Variants in ATP2B2 observed in about 807,000 individuals in gnomAD.
The protein encoded by ATP2B2 is ATPase plasma membrane Ca2+ transporting 2, also known as plasma membrane calcium-transporting ATPase 2.
In ATP2B2, 15 loss-of-function variants were observed where a neutral mutation model predicts 120.0. That is an observed-to-expected ratio of 0.12 (90% CI 0.08 to 0.19). ATP2B2 has a LOEUF of 0.19. Ranked by LOEUF, ATP2B2 falls within the 10% of genes least tolerant of loss-of-function variation. ATP2B2 has a pLI of 1.00. For missense variants in ATP2B2, 1,045 were observed against 1,719.8 expected (o/e 0.61, Z 6.94); for synonymous variants, 694 against 700.3 (o/e 0.99, Z 0.14).
rs142568220 is a variant in ATP2B2 at position 10,405,767 on chromosome 3, C to T, written c.398-3419G>A. ...GCATGTTCACCAGTACAATGGTGAA[C>T]CTGCCTCCCAGATGGCTACCAGGGC... is the stretch of plus-strand genomic sequence containing the variant. On this transcript the variant is annotated intron_variant, in intron 3 of 22. Coordinates refer to ENST00000360273, the MANE Select transcript of ATP2B2 (RefSeq NM_001001331.4). Among the ~76,000 whole-genome samples, 23 of 152,292 alleles carry T rather than the reference C, an allele frequency of 1.5e-4. No homozygotes were observed. The East Asian group carries it at 3.5e-3, about 23-fold the overall frequency.
chr3:10,701,154 T>G (rs539973907), intron 1 of ATP2B2, among the ~76,000 whole-genome samples: 8 of 152,180 alleles, frequency 5.3e-5, no homozygotes, highest in Non-Finnish European at 1.2e-4. Context: ...AGGCACTGAT[T>G]TGCTGAGAGA....
intron 1 of ATP2B2, among the ~76,000 whole-genome samples, chr3:10,463,761 C>T (rs1260541967): frequency 6.6e-6 from 1 of 152,220 alleles, no homozygotes; most frequent in Non-Finnish European, 1.5e-5. Context: ...CTGCCACACC[C>T]AGTGCTGGGT....
intron 2 of ATP2B2, among the ~76,000 whole-genome samples, chr3:10,602,340 C>T (rs1221745389): frequency 6.6e-6 from 1 of 152,220 alleles, no homozygotes; most frequent in African/African-American, 2.4e-5. Context: ...TGACGGCTGG[C>T]CCTCGCTTTC....
intron 5 of ATP2B2, chr3:10,394,373 A>T (rs949019602): frequency 2.2e-6 from 1 of 464,610 alleles, no homozygotes; most frequent in African/African-American, 2.0e-5. Context: ...CAGCCCCCTG[A>T]GGTAGGTTTT....
intron 3 of ATP2B2, among the ~76,000 whole-genome samples, chr3:10,514,299 G>T (rs997502300): frequency 6.6e-6 from 1 of 152,178 alleles, no homozygotes; most frequent in Non-Finnish European, 1.5e-5. Flanking sequence ...GAGGTGGGAT[G>T]GAGGGCCAGA....
intron 2 of ATP2B2, among the ~76,000 whole-genome samples, chr3:10,536,268 G>A (rs570502726): frequency 8.9e-4 from 134 of 150,910 alleles, no homozygotes; most frequent in African/African-American, 3.1e-3. Flanking sequence ...GTACCTCATC[G>A]GTTTTGTGGT....
intron 1 of ATP2B2, among the ~76,000 whole-genome samples, chr3:10,706,490 C>G (rs1435315867): frequency 2.0e-5 from 3 of 152,176 alleles, no homozygotes; most frequent in Non-Finnish European, 1.5e-5. Flanking sequence ...CTTCTGAGGG[C>G]ATTGGGATAT....
chr3:10,394,898 T>C (rs3774156), intron 5 of ATP2B2, among the ~76,000 whole-genome samples: 28,126 of 152,012 alleles, frequency 0.19, 3,183 homozygotes, highest in East Asian at 0.42. Flanking sequence ...CACTGCCACA[T>C]TGATGGCATC....
upstream of ATP2B2, among the ~76,000 whole-genome samples, chr3:10,507,226 C>A (rs183951553): frequency 2.0e-4 from 31 of 152,300 alleles, no homozygotes; most frequent in African/African-American, 7.2e-4. Flanking sequence ...CCCAGGACAC[C>A]CCTCAGGGAG....
At chr3:10,620,774 T>C (rs376277518) in intron 1 of ATP2B2, among the ~76,000 whole-genome samples, 3 of 152,152 alleles carry the variant, frequency 2.0e-5, no homozygotes, top group African/African-American at 4.8e-5. Context: ...GAGCTTCTCA[T>C]TGGCCAAACC....
chr3:10,606,926 GAGAGAGAGAGA>G (rs2069092967), intron 2 of ATP2B2, among the ~76,000 whole-genome samples: 1 of 73,938 alleles, frequency 1.4e-5, no homozygotes, highest in Non-Finnish European at 2.3e-5. Flanking sequence ...GAGAGAGAGA[GAGAGAGAGAGA>G]GGGAGAGGGA....
chr3:10,445,403 A>G (rs1244372327), intron 2 of ATP2B2, among the ~76,000 whole-genome samples: 2 of 149,814 alleles, frequency 1.3e-5, no homozygotes, highest in African/African-American at 5.1e-5. Context: ...AGGGAACAGT[A>G]GAGGTAAGAA....
intron 14 of ATP2B2, 70 bp downstream of exon 14, chr3:10,358,621 C>G: frequency 4.7e-6 from 7 of 1,473,774 alleles, no homozygotes; most frequent in African/African-American, 1.4e-5. Flanking sequence ...GTGACTTACT[C>G]CAGGTCACCC....
intron 3 of ATP2B2, among the ~76,000 whole-genome samples, chr3:10,512,553 T>G (rs2066793883): frequency 6.6e-6 from 1 of 150,788 alleles, no homozygotes; most frequent in Non-Finnish European, 1.5e-5. Flanking sequence ...GTGGAGAGTA[T>G]CACCCCCACT....
At chr3:10,363,440 C>A (rs1382298541) in intron 12 of ATP2B2, among the ~76,000 whole-genome samples, 1 of 152,228 alleles carries the variant, frequency 6.6e-6, no homozygotes, top group Admixed American at 6.5e-5. Flanking sequence ...GAGGGTCAGG[C>A]CTGGGACTGC....
intron 16 of ATP2B2, among the ~76,000 whole-genome samples, chr3:10,348,373 C>T (rs1479147985): frequency 6.6e-6 from 1 of 152,194 alleles, no homozygotes; most frequent in Non-Finnish European, 1.5e-5. Context: ...CCGTGCTCTG[C>T]ACTGCAGGGT....
Position 10,402,952 on chromosome 3 carries a change from A to C in ATP2B2, c.398-604T>G, listed in dbSNP as rs2062274956. Among the ~76,000 whole-genome samples the C allele has an allele frequency of 6.6e-6, 1 of 151,648 alleles. No homozygotes were observed. Among genetic ancestry groups the C allele is most frequent in the Non-Finnish European group, 1.5e-5 (1 of 68,012 alleles). ...GGTATTTTTCTTTTTTTCCAGAACA[A>C]AGGCAGCCAATATTACACTTGCTTT... On this transcript the variant is annotated intron_variant, in intron 3 of 22. Transcript: ENST00000360273. This position sits in a 1 kb window ranked among gnomAD's most constrained non-coding sequence, Gnocchi z 4.9.
intron 2 of ATP2B2, among the ~76,000 whole-genome samples, chr3:10,443,491 G>T (rs910923203): frequency 2.6e-5 from 4 of 152,132 alleles, no homozygotes; most frequent in African/African-American, 7.2e-5. Context: ...AATGGGGCGG[G>T]GCTTATGAGG....
At chr3:10,492,986 C>T (rs1235301758) in intron 1 of ATP2B2, among the ~76,000 whole-genome samples, 1 of 152,166 alleles carries the variant, frequency 6.6e-6, no homozygotes, top group African/African-American at 2.4e-5. Context: ...ATTCTTGCCT[C>T]CCCTGTACCA....
Sources: gnomAD v4.1 joint callset for allele counts (sites outside exome capture counted in the v4.1 genomes callset) on GRCh38, gnomAD v4.1.1 for gene constraint, Gnocchi (gnomAD v3.1) non-coding constraint, MANE v1.5 for transcripts, NCBI Gene and HGNC (gene_info 2026-07-23, HGNC 2026-07-21) for gene names.